Variants in GRIP1 observed in about 807,000 individuals in gnomAD.
GRIP1 encodes the protein glutamate receptor-interacting protein 1.
A neutral mutation model predicts 129.9 loss-of-function variants in GRIP1; 45 were observed. That is an observed-to-expected ratio of 0.35 (90% confidence interval 0.27 to 0.44). GRIP1 has a LOEUF of 0.44. GRIP1 is among the 20% of genes least tolerant of loss of function. The pLI is 1.00. For synonymous variants in GRIP1, 530 were observed against 520.8 expected, an observed-to-expected ratio of 1.02 and a Z score of -0.24; for missense variants, 1,196 against 1,396.8, an observed-to-expected ratio of 0.86 and a Z score of 2.29.
At chr12:66,702,482 A>C (rs1364091270) in intron 1 of GRIP1, among the ~76,000 whole-genome samples, 1 of 152,148 alleles carries the variant, frequency 6.6e-6, no homozygotes, top group African/African-American at 2.4e-5. Flanking sequence ...AATGACAGCA[A>C]AAGTTCTATG....
chr12:66,541,694 G>T (rs921024342), intron 3 of GRIP1, 121 bp downstream of exon 3: 7 of 1,038,696 alleles, frequency 6.7e-6, no homozygotes, highest in African/African-American at 1.6e-5. Context: ...CTGCTGGCCT[G>T]TGCTGCCTGG....
intron 1 of GRIP1, among the ~76,000 whole-genome samples, chr12:66,970,952 C>A (rs539102994): frequency 1.3e-5 from 2 of 152,132 alleles, no homozygotes; most frequent in Non-Finnish European, 2.9e-5. Flanking sequence ...TTACTTTCCC[C>A]TTCCCTTTGC....
At chr12:66,410,249 C>CAA (rs1177155122) in intron 15 of GRIP1, among the ~76,000 whole-genome samples, 1,755 of 47,390 alleles carry the variant, frequency 0.037, 226 homozygotes, top group African/African-American at 0.13. Context: ...GACTCCGTCT[C>CAA]AAAAAAAAAA....
chr12:66,922,845 T>G (rs189066214), intron 1 of GRIP1, among the ~76,000 whole-genome samples: 23 of 152,222 alleles, frequency 1.5e-4, no homozygotes, highest in Non-Finnish European at 3.4e-4. Flanking sequence ...CTAAGAAAAG[T>G]AGATCAAAAA....
At chr12:66,850,242 A>G (rs1469238744) in intron 1 of GRIP1, among the ~76,000 whole-genome samples, 1 of 152,160 alleles carries the variant, frequency 6.6e-6, no homozygotes, top group African/African-American at 2.4e-5. Flanking sequence ...TTCCTCTAGG[A>G]AGCTACCTAC....
chr12:66,895,212 C>T (rs2040725836), intron 1 of GRIP1, among the ~76,000 whole-genome samples: 1 of 152,156 alleles, frequency 6.6e-6, no homozygotes, highest in Non-Finnish European at 1.5e-5. Flanking sequence ...CTATAATCCC[C>T]ACATGTCATG....
chr12:66,363,225 A>ATATATATATG (rs1363141435), intron 23 of GRIP1, among the ~76,000 whole-genome samples: 11 of 133,840 alleles, frequency 8.2e-5, no homozygotes, highest in Non-Finnish European at 1.6e-4. Flanking sequence ...ATATATATAT[A>ATATATATATG]TATAAAGTTT....
chr12:67,039,238 C>T (rs541459871), intron 1 of GRIP1, among the ~76,000 whole-genome samples: 1 of 152,218 alleles, frequency 6.6e-6, no homozygotes, highest in South Asian at 2.1e-4. Context: ...CACTTAAATT[C>T]AATTACTACT....
At chr12:66,994,324 A>G (rs1193224164) in intron 1 of GRIP1, among the ~76,000 whole-genome samples, 2 of 152,258 alleles carry the variant, frequency 1.3e-5, no homozygotes, top group African/African-American at 4.8e-5. Context: ...ATAGAAACGC[A>G]AAGTTGATTC....
At chr12:66,611,887 T>C (rs1019625285) in intron 1 of GRIP1, among the ~76,000 whole-genome samples, 1 of 152,180 alleles carries the variant, frequency 6.6e-6, no homozygotes, top group African/African-American at 2.4e-5. Flanking sequence ...CTAGTCTTGC[T>C]GCAAACAGTT....
intron 1 of GRIP1, among the ~76,000 whole-genome samples, chr12:66,819,355 T>A (rs951713407): frequency 1.3e-5 from 2 of 152,214 alleles, no homozygotes; most frequent in Non-Finnish European, 2.9e-5. Flanking sequence ...GAAATATTAA[T>A]GTTTTAAAAT....
chr12:66,553,245 T>C (rs1267580249), intron 2 of GRIP1, among the ~76,000 whole-genome samples: 1 of 152,150 alleles, frequency 6.6e-6, no homozygotes, highest in Admixed American at 6.5e-5. Flanking sequence ...TCACCTTATG[T>C]AACACTATCT....
chr12:66,749,447 T>C (rs1267194221), intron 1 of GRIP1, among the ~76,000 whole-genome samples: 4 of 152,236 alleles, frequency 2.6e-5, no homozygotes, highest in African/African-American at 9.6e-5. Context: ...ACAATGGCTA[T>C]GAGCAAACTG....
chr12:66,782,647 T>C (rs550581762), intron 1 of GRIP1, among the ~76,000 whole-genome samples: 1 of 152,198 alleles, frequency 6.6e-6, no homozygotes, highest in Non-Finnish European at 1.5e-5. Flanking sequence ...TTCAGAGAAC[T>C]GATATGATAG....
chr12:66,450,325 A>C (rs2058752603), intron 11 of GRIP1, among the ~76,000 whole-genome samples: 1 of 149,094 alleles, frequency 6.7e-6, no homozygotes, highest in South Asian at 2.1e-4. Context: ...AAAAAAAAAA[A>C]AAAAAAAAGA....
At chr12:66,370,739 C>T (rs1236407832) in intron 23 of GRIP1, among the ~76,000 whole-genome samples, 1 of 152,210 alleles carries the variant, frequency 6.6e-6, no homozygotes. Context: ...CATTGCTCTC[C>T]TTGGCCCAGG....
intron 1 of GRIP1, among the ~76,000 whole-genome samples, chr12:66,897,810 T>G (rs1299413960): frequency 1.3e-5 from 2 of 152,234 alleles, no homozygotes; most frequent in African/African-American, 2.4e-5. Flanking sequence ...GTTTCCTTGT[T>G]CAAGATGTAA....
At chr12:66,790,392 C>G (rs12814807) in intron 1 of GRIP1, among the ~76,000 whole-genome samples, 39,516 of 151,974 alleles carry the variant, frequency 0.26, 6,035 homozygotes, top group Non-Finnish European at 0.36. Context: ...AAGTATCTTT[C>G]CAGTAGGCCT....
intron 9 of GRIP1, among the ~76,000 whole-genome samples, chr12:66,460,496 G>A (rs779398225): frequency 3.3e-5 from 5 of 152,152 alleles, no homozygotes; most frequent in African/African-American, 7.2e-5. Flanking sequence ...TTTCCAAAAC[G>A]TCAGTTTCCT....
Sources: gnomAD v4.1 joint callset for allele counts (sites outside exome capture counted in the v4.1 genomes callset) on GRCh38, gnomAD v4.1.1 for gene constraint, MANE v1.5 for transcripts, NCBI Gene and HGNC (gene_info 2026-07-23, HGNC 2026-07-21) for gene names.